Variants in M1AP observed in about 807,000 individuals in gnomAD.
M1AP encodes the protein meiosis 1 arrest protein.
Under a neutral mutation model 51.2 loss-of-function variants are expected in M1AP, and 39 were observed. The observed-to-expected ratio is 0.76, with a 90% CI of 0.59 to 1.00. The LOEUF (loss-of-function observed/expected upper bound fraction) is 1.00, where lower values mean the gene tolerates loss of function less well. Among genes scored for constraint, M1AP ranks in the 50% least tolerant of loss-of-function variants. The probability of loss-of-function intolerance (pLI) is 0.00; values close to 1 mark genes in which losing one functional copy is unlikely to be tolerated. For missense variants in M1AP, 545 were observed against 641.2 expected (o/e 0.85, Z 1.62); for synonymous variants, 251 against 249.2 (o/e 1.01, Z -0.07).
chr2:74,560,843 C>G (rs1677875190), intron 8 of M1AP, among the ~76,000 whole-genome samples: 1 of 152,154 alleles, frequency 6.6e-6, no homozygotes, highest in Admixed American at 6.5e-5. Context: ...TTGTGCCCAC[C>G]TCTCTCTGTG....
chr2:74,581,928 C>A lies in M1AP; in HGVS notation c.596-81G>T, dbSNP rs577350355. 4.5e-6 allele frequency: 6 copies of A among 1,326,234 alleles called. No individual in the cohort carries two copies. The African/African-American group carries it at 8.8e-5, about 20-fold the overall frequency. 82.2% of individuals were successfully genotyped at this position (1,326,234 alleles called of 1,614,324 possible). Reference sequence around the variant, plus strand: ...AAAATTTTGAACACATCCATCTTTTCTTTTTTGAGACGGGGGTCTCATTAT... The same window carrying A: ...AAAATTTTGAACACATCCATCTTTTATTTTTTGAGACGGGGGTCTCATTAT... On this transcript the variant is annotated intron_variant, in intron 4 of 10. Transcript: ENST00000421985.
chr2:74,574,312 A>G (rs1678925904), intron 7 of M1AP, among the ~76,000 whole-genome samples: 1 of 152,218 alleles, frequency 6.6e-6, no homozygotes, highest in African/African-American at 2.4e-5. Context: ...TCAAGTCAGA[A>G]ACCATGCAGT....
At chr2:74,595,477 G>C (rs767535202) in intron 4 of M1AP, among the ~76,000 whole-genome samples, 1 of 151,880 alleles carries the variant, frequency 6.6e-6, no homozygotes, top group Non-Finnish European at 1.5e-5. Flanking sequence ...TCAGCCTCCC[G>C]AGTAGCGGGG....
chr2:74,648,303 C>T lies in M1AP; in HGVS notation c.-91G>A. The T allele has an allele frequency of 1.0e-6, 1 of 985,526 alleles. No individual in the cohort carries two copies. The highest frequency in any genetic ancestry group is 1.2e-6 in the Non-Finnish European group (1 of 829,984). The allele number at this position is 985,526 out of a possible 1,614,324, so 61.0% of individuals were successfully genotyped here. ...ACGGAGGCCCCCTCACCTGGTCCTCCCGGCTCTCAGCGTGCGCCCGCGCGT... is the reference window on the plus strand; with the variant it reads ...ACGGAGGCCCCCTCACCTGGTCCTCTCGGCTCTCAGCGTGCGCCCGCGCGT... On this transcript the variant is annotated 5_prime_UTR_variant, in exon 1 of 11. Coordinates refer to ENST00000421985, the MANE Select transcript of M1AP (RefSeq NM_001321739.2).
Position 74,557,921 on chromosome 2 carries a change from C to CGCG in M1AP, c.*794_*795insCGC, listed in dbSNP as rs1677614784. Reference sequence around the variant, plus strand: ...GTTTTTATTATTTATGTAGAGATGGCGGGGGGGTCTCACAGTGTTGCTCAG... The same window carrying CGCG: ...GTTTTTATTATTTATGTAGAGATGGCGCGGGGGGGGTCTCACAGTGTTGCTCAG... On this transcript the variant is annotated 3_prime_UTR_variant, in exon 11 of 11. Transcript: ENST00000421985. 6.9e-6 allele frequency: 1 copy of CGCG among 145,930 alleles called. No individual in the cohort carries two copies. The highest frequency in any genetic ancestry group is 2.7e-5 in the African/African-American group (1 of 37,324). 9.0% of individuals were successfully genotyped at this position (145,930 alleles called of 1,614,324 possible).
intron 3 of M1AP, among the ~76,000 whole-genome samples, chr2:74,610,806 T>C (rs1343017027): frequency 6.6e-6 from 1 of 152,220 alleles, no homozygotes; most frequent in African/African-American, 2.4e-5. Flanking sequence ...ATGAGTTAGC[T>C]GTAGGTTTGT....
chr2:74,588,699 G>A (rs1657495330), intron 4 of M1AP, among the ~76,000 whole-genome samples: 1 of 152,196 alleles, frequency 6.6e-6, no homozygotes, highest in Admixed American at 6.5e-5. Context: ...GGGCAGAGAG[G>A]TGACTGCAGG....
At chr2:74,577,450 T>C (rs542510488) in intron 5 of M1AP, among the ~76,000 whole-genome samples, 2 of 152,338 alleles carry the variant, frequency 1.3e-5, no homozygotes, top group South Asian at 4.1e-4. Flanking sequence ...GCTTGAATAG[T>C]GATAACAAAC....
chr2:74,643,987 T>C (rs1052266430), intron 1 of M1AP, among the ~76,000 whole-genome samples: 2 of 152,172 alleles, frequency 1.3e-5, no homozygotes, highest in African/African-American at 2.4e-5. Flanking sequence ...ATTTTCTGTA[T>C]ATATGTTATA....
At chr2:74,559,075 C>T (rs1008572270) in intron 10 of M1AP, among the ~76,000 whole-genome samples, 2 of 152,244 alleles carry the variant, frequency 1.3e-5, no homozygotes, top group African/African-American at 4.8e-5. Context: ...CTACCTCTGG[C>T]AGCTTGCCTA....
At chr2:74,631,014 C>T (rs568825281) in intron 2 of M1AP, among the ~76,000 whole-genome samples, 55 of 152,246 alleles carry the variant, frequency 3.6e-4, no homozygotes, top group African/African-American at 1.3e-3. Context: ...GATCGTAATT[C>T]TCTTTGTTTG....
At chr2:74,630,683 T>C (rs542495443) in intron 2 of M1AP, among the ~76,000 whole-genome samples, 3 of 152,226 alleles carry the variant, frequency 2.0e-5, no homozygotes, top group East Asian at 3.9e-4. Context: ...TATGGCTGCA[T>C]AGTATTCCAT....
intron 8 of M1AP, among the ~76,000 whole-genome samples, chr2:74,561,184 A>AAGG (rs1558643803): frequency 4.7e-5 from 1 of 21,220 alleles, no homozygotes; most frequent in Admixed American, 4.4e-4. Flanking sequence ...GGAGGAGGAG[A>AAGG]AGGAGGAGGA....
intron 4 of M1AP, among the ~76,000 whole-genome samples, chr2:74,588,353 A>G (rs937959233): frequency 5.9e-5 from 9 of 152,206 alleles, no homozygotes; most frequent in African/African-American, 1.9e-4. Context: ...TACAGAGACT[A>G]TAGAGTCACA....
chr2:74,577,032 G>C, intron 5 of M1AP: 6 of 356,924 alleles, frequency 1.7e-5, no homozygotes, highest in Non-Finnish European at 2.4e-5. Context: ...AGGAAATCTT[G>C]CTTCTGCTGC....
chr2:74,607,172 C>T lies in M1AP; in HGVS notation c.478G>A (p.Glu160Lys), dbSNP rs1298475515. ...GCTAGGTCTGTATCTTTCAACCCTTCCTCCAACTGTTTGACCACCTCTTTT... is the reference window on the plus strand; with the variant it reads ...GCTAGGTCTGTATCTTTCAACCCTTTCTCCAACTGTTTGACCACCTCTTTT... ...PGKEVVKQLE[E>K]GLKDTDLARV... Residue 160 changes from glutamate to lysine, a missense_variant, in exon 4 of 11, where the codon GAA becomes AAA. Physicochemically the swap from Glu to Lys is moderately conservative, Grantham distance 56. Transcript: ENST00000421985. 6.2e-7 allele frequency: 1 copy of T among 1,614,164 alleles called. No individual in the cohort carries two copies. The highest frequency in any genetic ancestry group is 1.1e-5 in the South Asian group (1 of 91,084).
intron 2 of M1AP, among the ~76,000 whole-genome samples, chr2:74,635,926 C>T (rs1326072088): frequency 6.6e-6 from 1 of 151,934 alleles, no homozygotes; most frequent in African/African-American, 2.4e-5. Context: ...GCAAATGTTC[C>T]ACGGGTGCTT....
intron 2 of M1AP, among the ~76,000 whole-genome samples, chr2:74,629,495 G>A (rs1177585497): frequency 6.6e-6 from 1 of 152,206 alleles, no homozygotes; most frequent in Non-Finnish European, 1.5e-5. Flanking sequence ...GCTCATGCCT[G>A]TAATCCCAGC....
intron 8 of M1AP, 112 bp downstream of exon 8, chr2:74,562,103 CCA>C: frequency 6.7e-7 from 1 of 1,482,038 alleles, no homozygotes; most frequent in Non-Finnish European, 9.0e-7. Context: ...TACTCTCTTA[CCA>C]CACTCCTTCA....
Sources: allele counts gnomAD v4.1 joint callset (sites outside exome capture counted in the v4.1 genomes callset), GRCh38; gene constraint gnomAD v4.1.1; transcripts MANE v1.5; gene names NCBI Gene and HGNC (gene_info 2026-07-23, HGNC 2026-07-21).